The following ITPR2 variants were observed in gnomAD, a reference collection of about 807,000 sequenced individuals.
ITPR2 encodes inositol 1,4,5-trisphosphate-gated calcium channel ITPR2.
Under a neutral mutation model 317.1 loss-of-function variants are expected in ITPR2, and 207 were observed. That is an observed-to-expected ratio of 0.65 (90% confidence interval 0.58 to 0.73). The LOEUF (loss-of-function observed/expected upper bound fraction) is 0.73. Among genes scored for constraint, ITPR2 ranks in the 30% least tolerant of loss-of-function variants. ITPR2 has a pLI of 0.00. For missense variants in ITPR2, 2,613 were observed against 3,284.0 expected (o/e 0.80, Z 4.99); for synonymous variants, 1,156 against 1,149.1 (o/e 1.01, Z -0.12).
intron 32 of ITPR2, among the ~76,000 whole-genome samples, chr12:26,582,184 T>G (rs1214501573): frequency 7.2e-5 from 11 of 152,096 alleles, no homozygotes; most frequent in Non-Finnish European, 1.2e-4. Context: ...GCATCTTATA[T>G]TATAATATCA....
At chr12:26,359,731 T>C (rs1233357798) in intron 55 of ITPR2, among the ~76,000 whole-genome samples, 1 of 152,088 alleles carries the variant, frequency 6.6e-6, no homozygotes, top group Non-Finnish European at 1.5e-5. Context: ...GTGGGAGGAA[T>C]GATCTGTGAT....
At chr12:26,755,963 C>G (rs1233360796) in intron 2 of ITPR2, among the ~76,000 whole-genome samples, 1 of 152,144 alleles carries the variant, frequency 6.6e-6, no homozygotes, top group African/African-American at 2.4e-5. Context: ...TTAGAGAGTA[C>G]AAACCCACAG....
At chr12:26,618,716 G>A (rs1041305464) in intron 26 of ITPR2, among the ~76,000 whole-genome samples, 1 of 152,222 alleles carries the variant, frequency 6.6e-6, no homozygotes, top group Non-Finnish European at 1.5e-5. Context: ...AGCACTGCTT[G>A]TAGTAGCAAA....
intron 1 of ITPR2, among the ~76,000 whole-genome samples, chr12:26,804,858 C>T (rs1950615097): frequency 6.6e-6 from 1 of 152,190 alleles, no homozygotes; most frequent in South Asian, 2.1e-4. Flanking sequence ...CTTCAGCCTC[C>T]CTATCAGTTG....
intron 45 of ITPR2, among the ~76,000 whole-genome samples, chr12:26,448,206 G>A (rs867027243): frequency 6.6e-6 from 1 of 151,932 alleles, no homozygotes; most frequent in African/African-American, 2.4e-5. Flanking sequence ...GCCGTCTTAC[G>A]ATATCCAACT....
chr12:26,653,103 T>G (rs144953523), intron 21 of ITPR2, among the ~76,000 whole-genome samples: 1 of 152,088 alleles, frequency 6.6e-6, no homozygotes, highest in Non-Finnish European at 1.5e-5. Context: ...TTATAAATGG[T>G]CAAGGCAGGA....
chr12:26,731,681 C>T (rs1254270647), intron 2 of ITPR2, among the ~76,000 whole-genome samples: 4 of 152,004 alleles, frequency 2.6e-5, no homozygotes, highest in Admixed American at 6.6e-5. Flanking sequence ...ACTACAAGTC[C>T]GAGCTACTCA....
At chr12:26,372,087 A>G (rs1035062192) in intron 55 of ITPR2, among the ~76,000 whole-genome samples, 7 of 152,024 alleles carry the variant, frequency 4.6e-5, no homozygotes, top group Non-Finnish European at 1.0e-4. Context: ...AGATCTGCCT[A>G]TTTTCCTTTA....
At chr12:26,698,302 G>C (rs2136995894) in intron 9 of ITPR2, among the ~76,000 whole-genome samples, 1 of 152,266 alleles carries the variant, frequency 6.6e-6, no homozygotes, top group East Asian at 1.9e-4. Context: ...ATTAGGCTAA[G>C]ATTTTAAAAG....
intron 26 of ITPR2, among the ~76,000 whole-genome samples, chr12:26,614,774 A>C (rs1302840084): frequency 6.6e-6 from 1 of 152,218 alleles, no homozygotes; most frequent in Non-Finnish European, 1.5e-5. Context: ...AAAAAAAATC[A>C]GTGGTTGGCA....
At chr12:26,696,621 A>C (rs7976479) in intron 9 of ITPR2, among the ~76,000 whole-genome samples, 127,681 of 152,120 alleles carry the variant, frequency 0.84, 53,661 homozygotes, top group Admixed American at 0.89. Flanking sequence ...AAAAAACAAC[A>C]TAAATTCCAA....
chr12:26,377,239 G>A (rs1939373916), intron 55 of ITPR2, among the ~76,000 whole-genome samples: 1 of 152,166 alleles, frequency 6.6e-6, no homozygotes, highest in South Asian at 2.1e-4. Flanking sequence ...CCTAGGCTCT[G>A]GCAGACTCCA....
At chr12:26,355,750 C>G (rs1452119514) in intron 55 of ITPR2, among the ~76,000 whole-genome samples, 1 of 152,162 alleles carries the variant, frequency 6.6e-6, no homozygotes, top group Non-Finnish European at 1.5e-5. Context: ...AGTCTTTCAT[C>G]CCTGGTCTCT....
intron 55 of ITPR2, among the ~76,000 whole-genome samples, chr12:26,376,073 C>G (rs143499532): frequency 6.6e-6 from 1 of 152,094 alleles, no homozygotes; most frequent in Non-Finnish European, 1.5e-5. Context: ...AGCAAAAGGG[C>G]GAGACCCGGT....
chr12:26,718,581 A>G (rs953611677), intron 5 of ITPR2, among the ~76,000 whole-genome samples: 1 of 149,670 alleles, frequency 6.7e-6, no homozygotes. Context: ...TATATATAGT[A>G]TATATATATG....
chr12:26,794,344 A>G (rs556333255), intron 1 of ITPR2, among the ~76,000 whole-genome samples: 8 of 152,310 alleles, frequency 5.3e-5, no homozygotes, highest in Non-Finnish European at 1.2e-4. Flanking sequence ...AAAGTATACT[A>G]TTAATTATTT....
intron 34 of ITPR2, among the ~76,000 whole-genome samples, chr12:26,562,817 A>G (rs1944856443): frequency 6.6e-6 from 1 of 152,080 alleles, no homozygotes; most frequent in Non-Finnish European, 1.5e-5. Context: ...ACCTAATGTA[A>G]ATGACAAGTT....
chr12:26,738,109 C>T (rs1183301204), intron 2 of ITPR2, among the ~76,000 whole-genome samples: 2 of 152,162 alleles, frequency 1.3e-5, no homozygotes, highest in Non-Finnish European at 2.9e-5. Context: ...TACACAGATT[C>T]TTTAATCTCT....
chr12:26,457,584 T>G (rs535581228), intron 45 of ITPR2, among the ~76,000 whole-genome samples: 36 of 152,310 alleles, frequency 2.4e-4, no homozygotes, highest in African/African-American at 8.2e-4. Flanking sequence ...AGAAGCCTAC[T>G]GCAAATAATC....
Sources: allele counts gnomAD v4.1 joint callset (sites outside exome capture counted in the v4.1 genomes callset), GRCh38; gene constraint gnomAD v4.1.1; transcripts MANE v1.5; gene names NCBI Gene and HGNC (gene_info 2026-07-23, HGNC 2026-07-21).